The following SMAD6 variants were observed in gnomAD, a reference collection of about 807,000 sequenced individuals.
SMAD6 encodes the protein MAD homolog 6.
SMAD6 carries 103 observed loss-of-function variants against 39.4 expected under a neutral mutation model. The ratio of observed to expected loss-of-function variants is 2.62; its 90% CI spans 2.23 to 3.08. The LOEUF (loss-of-function observed/expected upper bound fraction) is 3.08, where lower values mean the gene tolerates loss of function less well. SMAD6 is among the 30% of genes most tolerant of loss of function. The probability of loss-of-function intolerance (pLI) is 0.00; values close to 1 mark genes in which losing one functional copy is unlikely to be tolerated. For missense variants in SMAD6, 1,104 were observed against 742.9 expected (o/e 1.49, Z -5.65); for synonymous variants, 445 against 353.3 (o/e 1.26, Z -2.91).
At chr15:66,731,370 G>A (rs932780391) in intron 3 of SMAD6, among the ~76,000 whole-genome samples, 3 of 150,542 alleles carry the variant, frequency 2.0e-5, no homozygotes, top group Non-Finnish European at 3.0e-5. Flanking sequence ...CCCGGGAGGC[G>A]GAGCTTGCAG....
intron 3 of SMAD6, among the ~76,000 whole-genome samples, chr15:66,750,111 A>AG (rs1893976386): frequency 6.6e-6 from 1 of 151,976 alleles, no homozygotes; most frequent in Non-Finnish European, 1.5e-5. Context: ...TGGGGGACGC[A>AG]GGGGGCCTTC....
chr15:66,714,006 C>T (rs1353695545), intron 2 of SMAD6, among the ~76,000 whole-genome samples: 1 of 152,220 alleles, frequency 6.6e-6, no homozygotes, highest in East Asian at 1.9e-4. Context: ...GGGTGGCTCA[C>T]TGTCCTTCCC....
chr15:66,780,851 C>G, intron 3 of SMAD6, 146 bp from the exon 4 acceptor site: 1 of 710,716 alleles, frequency 1.4e-6, no homozygotes, highest in Non-Finnish European at 2.3e-6. Context: ...CTGAGGACAA[C>G]CTGGCACACG....
chr15:66,781,256 C>T lies in SMAD6; in HGVS notation c.1212C>T (p.Asn404=). 1 of 1,608,232 alleles carries T rather than the reference C, an allele frequency of 6.2e-7. No homozygotes were observed. The highest frequency in any genetic ancestry group is 8.5e-7 in the Non-Finnish European group (1 of 1,179,256). The change falls in exon 4 of 4, where the codon AAC becomes AAT. Residue 404 remains asparagine, a synonymous_variant. Transcript: ENST00000288840. ...AGCCCGACGGCGTGTGGGCCTACAA[C>T]CGCGGCGAGCACCCCATCTTCGTCA... ...SKEPDGVWAY[N]RGEHPIFVNS...
chr15:66,703,730 A>C lies in SMAD6; in HGVS notation c.472A>C (p.Ser158Arg). 3 of 1,360,112 alleles carry C rather than the reference A, an allele frequency of 2.2e-6. No homozygotes were observed. Among genetic ancestry groups the C allele is most frequent in the Non-Finnish European group, 2.9e-6 (3 of 1,043,356 alleles). The allele number at this position is 1,360,112 out of a possible 1,614,324, so 84.3% of individuals were successfully genotyped here. A position where few individuals can be genotyped will look rare whatever the true frequency, so the allele number is the denominator to read the frequency against. ...CCTGGAGCCGGCGGGCGGCGGGCGG[A>C]GTCGCGAAGCGCGCTCGCGGCTGCT... ...AALEPAGGGR[S>R]REARSRLLLL... is the part of the protein sequence containing the mutation. The change falls in exon 1 of 4, where the codon AGT (serine) becomes CGT (arginine). Residue 158 changes from serine to arginine, a missense_variant. Ser to Arg is a moderately radical substitution (Grantham distance 110). Coordinates refer to ENST00000288840, the MANE Select transcript of SMAD6 (RefSeq NM_005585.5).
intron 3 of SMAD6, among the ~76,000 whole-genome samples, chr15:66,751,055 T>TC (rs1893996737): frequency 6.6e-6 from 1 of 152,132 alleles, no homozygotes. Flanking sequence ...CAGTAGTTTG[T>TC]TCTAAGGAAA....
Position 66,781,342 on chromosome 15 carries a change from G to C in SMAD6, c.1298G>C (p.Gly433Ala). The change falls in exon 4 of 4, where the codon GGC becomes GCC. Residue 433 changes from glycine to alanine, a missense_variant. By Grantham distance (60) the Gly-to-Ala change is moderately conservative. Coordinates refer to ENST00000288840, the MANE Select transcript of SMAD6 (RefSeq NM_005585.5). ...RALVVRKVPP[G>A]YSIKVFDFER... ...CTGGTCGTGCGCAAGGTGCCCCCCGGCTACTCCATCAAGGTGTTCGACTTC... is the reference window on the plus strand; with the variant it reads ...CTGGTCGTGCGCAAGGTGCCCCCCGCCTACTCCATCAAGGTGTTCGACTTC... 1.9e-6 allele frequency: 3 copies of C among 1,599,092 alleles called. No homozygotes were observed. Among genetic ancestry groups the C allele is most frequent in the South Asian group, 1.1e-5 (1 of 90,832 alleles).
In SMAD6 at chr15:66,703,906, C is replaced by T. The variant is rs1035549645; in HGVS notation, c.648C>T (p.Gly216=). The stretch of plus-strand genomic sequence containing the variant: ...TGCCGCGCGCCGACCTCCGCCTGGG[C>T]GGCCAGCCCGCGCCGCCGCAGCTGC... ...VLVPRADLRL[G]GQPAPPQLLL... Residue 216 remains glycine (G), a synonymous_variant, in exon 1 of 4, where the codon GGC becomes GGT. Transcript: ENST00000288840. 2.3e-6 allele frequency: 3 copies of T among 1,288,884 alleles called. No individual in the cohort carries two copies. The highest frequency in any genetic ancestry group is 3.2e-5 in the East Asian group (1 of 31,164). The allele number at this position is 1,288,884 out of a possible 1,614,324, so 79.8% of individuals were successfully genotyped here.
At chr15:66,709,378 G>T (rs1231838761) in intron 1 of SMAD6, among the ~76,000 whole-genome samples, 1 of 152,182 alleles carries the variant, frequency 6.6e-6, no homozygotes, top group African/African-American at 2.4e-5. Context: ...CTATGGCCAT[G>T]GGTAGCAGGT....
intron 1 of SMAD6, among the ~76,000 whole-genome samples, chr15:66,709,799 C>A (rs1009575466): frequency 6.6e-6 from 1 of 152,190 alleles, no homozygotes; most frequent in South Asian, 2.1e-4. Flanking sequence ...AAACACTGGC[C>A]TCAATTCTCT....
Position 66,781,222 on chromosome 15 carries a change from T to C in SMAD6, c.1178T>C (p.Leu393Pro), listed in dbSNP as rs774010060. 1 of 1,608,750 alleles carries C rather than the reference T, an allele frequency of 6.2e-7. No homozygotes were observed. Among genetic ancestry groups the C allele is most frequent in the Non-Finnish European group, 8.5e-7 (1 of 1,179,710 alleles). ...TRSKIGFGIL[L>P]SKEPDGVWAY... ...AGCAAGATCGGCTTCGGCATCCTGC[T>C]CAGCAAGGAGCCCGACGGCGTGTGG... The change falls in exon 4 of 4, where the codon CTC (leucine) becomes CCC (proline). Residue 393 changes from leucine (L) to proline (P), a missense_variant. Physicochemically the swap from Leu to Pro is moderately conservative, Grantham distance 98. Transcript: ENST00000288840.
At chr15:66,766,835 C>T (rs927371062) in intron 3 of SMAD6, among the ~76,000 whole-genome samples, 1 of 152,170 alleles carries the variant, frequency 6.6e-6, no homozygotes, top group Non-Finnish European at 1.5e-5. Flanking sequence ...GGACTCTTGT[C>T]TTTTCTAGAA....
intron 3 of SMAD6, among the ~76,000 whole-genome samples, chr15:66,734,672 A>T (rs778463188): frequency 1.3e-5 from 2 of 152,178 alleles, no homozygotes; most frequent in Non-Finnish European, 2.9e-5. Context: ...CTGCGATGAG[A>T]ACCCAATTTT....
intron 2 of SMAD6, among the ~76,000 whole-genome samples, chr15:66,712,403 G>T (rs1360587277): frequency 6.6e-6 from 1 of 152,208 alleles, no homozygotes; most frequent in Non-Finnish European, 1.5e-5. Flanking sequence ...CAAAAGTAGA[G>T]ATTGTTGGCT....
chr15:66,763,290 G>C (rs547861427), intron 3 of SMAD6, among the ~76,000 whole-genome samples: 1 of 152,194 alleles, frequency 6.6e-6, no homozygotes, highest in South Asian at 2.1e-4. Flanking sequence ...GCAGGGTAGC[G>C]CCAGGACAGG....
chr15:66,703,994 G>A lies in SMAD6; in HGVS notation c.736G>A (p.Gly246Ser). 1.3e-6 allele frequency: 2 copies of A among 1,486,026 alleles called. No homozygotes were observed. Among genetic ancestry groups the A allele is most frequent in the Non-Finnish European group, 1.8e-6 (2 of 1,125,738 alleles). 92.1% of individuals were successfully genotyped at this position (1,486,026 alleles called of 1,614,324 possible). ...CGCCGTGGAGCTGAAGCCCCTGTGC[G>A]GCTGCCACAGCTTCGCCGCCGCCGC... ...QHAVELKPLC[G>S]CHSFAAAADG... Residue 246 changes from glycine to serine, a missense_variant, in exon 1 of 4, where the codon GGC (glycine) becomes AGC (serine). Gly to Ser is a moderately conservative substitution (Grantham distance 56). Transcript: ENST00000288840.
intron 3 of SMAD6, among the ~76,000 whole-genome samples, chr15:66,733,552 T>C (rs1029993470): frequency 3.9e-5 from 6 of 152,258 alleles, no homozygotes; most frequent in Non-Finnish European, 8.8e-5. Context: ...CTTGGTGTTA[T>C]TGTAAATGTT....
chr15:66,726,305 G>T (rs115163697), intron 3 of SMAD6, among the ~76,000 whole-genome samples: 2,069 of 152,234 alleles, frequency 0.014, 43 homozygotes, highest in African/African-American at 0.047. Context: ...TTCACAGAGG[G>T]GTCCACTGCC....
chr15:66,736,931 G>A (rs902914166), intron 3 of SMAD6, among the ~76,000 whole-genome samples: 2 of 152,202 alleles, frequency 1.3e-5, no homozygotes, highest in African/African-American at 2.4e-5. Flanking sequence ...GCCTCCCAAA[G>A]TGCTGGGATT....
Sources: gnomAD v4.1 joint callset for allele counts (sites outside exome capture counted in the v4.1 genomes callset) on GRCh38, gnomAD v4.1.1 for gene constraint, MANE v1.5 for transcripts, NCBI Gene and HGNC (gene_info 2026-07-23, HGNC 2026-07-21) for gene names.